FBXO34: variants seen among roughly 807,000 people sequenced by gnomAD.
The protein encoded by FBXO34 is F-box only protein 34.
A neutral mutation model predicts 24.5 loss-of-function variants in FBXO34; 12 were observed. The ratio of observed to expected loss-of-function variants is 0.49; its 90% CI spans 0.31 to 0.79. The LOEUF is 0.79. Among genes scored for constraint, FBXO34 ranks in the 30% least tolerant of loss-of-function variants. The pLI, the probability that FBXO34 is intolerant of heterozygous loss-of-function variation, is 0.04. For missense variants in FBXO34, 823 were observed against 857.7 expected (o/e 0.96, Z 0.51); for synonymous variants, 320 against 311.9 (o/e 1.03, Z -0.27).
downstream of FBXO34, chr14:55,366,652 A>G (rs1457056572): frequency 2.0e-5 from 3 of 148,284 alleles, no homozygotes; most frequent in Non-Finnish European, 4.5e-5. Context: ...CTTATATTCC[A>G]TAACCAAAAA....
At chr14:55,393,656 C>A in the FBXO34 span, among the ~76,000 whole-genome samples, 1 of 151,824 alleles carries the variant, frequency 6.6e-6, no homozygotes, top group South Asian at 2.1e-4. Context: ...GTGATCCTCC[C>A]ACCTCAACCT....
intron 1 of FBXO34, among the ~76,000 whole-genome samples, chr14:55,306,831 T>TGAAAA (rs55968722): frequency 2.0e-5 from 3 of 151,006 alleles, no homozygotes; most frequent in Admixed American, 2.0e-4. Context: ...AGACTCCATC[T>TGAAAA]CAAAACAAAA....
At chr14:55,364,205 T>A (rs1884631548), downstream of FBXO34, among the ~76,000 whole-genome samples, 1 of 152,114 alleles carries the variant, frequency 6.6e-6, no homozygotes, top group East Asian at 1.9e-4. Context: ...TGCCTTGGCC[T>A]CCCAAAGTGC....
At chr14:55,335,357 C>G (rs896202696) in intron 1 of FBXO34, 2 of 152,146 alleles carry the variant, frequency 1.3e-5, no homozygotes, top group African/African-American at 4.8e-5. Context: ...TTTCCTTTGG[C>G]TTTTTGTTCA....
At chr14:55,331,805 T>G (rs1883585779) in intron 1 of FBXO34, among the ~76,000 whole-genome samples, 1 of 71,086 alleles carries the variant, frequency 1.4e-5, no homozygotes, top group Non-Finnish European at 2.7e-5. Context: ...TATAAATATA[T>G]ATATATATAC....
intron 1 of FBXO34, chr14:55,285,286 C>CT (rs1475981666): frequency 7.2e-6 from 1 of 138,618 alleles, no homozygotes; most frequent in African/African-American, 2.5e-5. Flanking sequence ...AGAAGAATGG[C>CT]TTGAACCCAG....
chr14:55,394,588 C>G, the FBXO34 span, among the ~76,000 whole-genome samples: 10 of 152,130 alleles, frequency 6.6e-5, no homozygotes, highest in Non-Finnish European at 1.0e-4. Flanking sequence ...AATTTTCAAT[C>G]TTTCACAGCA....
rs397767008 is a variant in FBXO34, at chr14:55,279,284, C to CAA, written c.-11+7761_-11+7762dup. On this transcript the variant is annotated intron_variant, in intron 1 of 1. Coordinates refer to ENST00000313833, the MANE Select transcript of FBXO34 (RefSeq NM_017943.4). ...CTGGGCGACATAAGCGAGACTCCGT[C>CAA]AAAAAAAAAAAAAAAGGAAAAAATA... 6.3e-3 allele frequency among the ~76,000 whole-genome samples: 747 copies of CAA among 118,186 alleles called. 6 individuals carry two copies. The highest frequency in any genetic ancestry group is 0.018 in the African/African-American group (611 of 34,196). 77.5% of individuals were successfully genotyped at this position (118,186 alleles called of 152,430 possible).
chr14:55,334,865 A>G (rs759421762), intron 1 of FBXO34, among the ~76,000 whole-genome samples: 7 of 152,202 alleles, frequency 4.6e-5, no homozygotes. Flanking sequence ...TGCTGCGCTG[A>G]GTTTTCATCC....
the FBXO34 span, among the ~76,000 whole-genome samples, chr14:55,398,053 T>C: frequency 3.3e-5 from 5 of 149,642 alleles, no homozygotes; most frequent in East Asian, 1.0e-3. Flanking sequence ...GCTCACGCCA[T>C]TCTCCCGCCT....
intron 1 of FBXO34, chr14:55,298,597 C>CGCCGGGGCCCA (rs1882223093): frequency 1.0e-5 from 10 of 954,768 alleles, no homozygotes; most frequent in Non-Finnish European, 1.6e-5. Flanking sequence ...GGAGGGCGGG[C>CGCCGGGGCCCA]GCCGGAGCCC....
In FBXO34 at chr14:55,352,100, G is replaced by A. The variant is rs1390542159; in HGVS notation, c.1710G>A (p.Glu570=). Reference sequence around the variant, plus strand: ...GGTTTAAAATCCAGCAGCTTTTGGAGCCTCAGCAGTACATGGCTTTTCTGC... The same window carrying A: ...GGTTTAAAATCCAGCAGCTTTTGGAACCTCAGCAGTACATGGCTTTTCTGC... ...ETRFKIQQLL[E]PQQYMAFLPH... The change falls in exon 2 of 2, where the codon GAG becomes GAA. Residue 570 remains glutamate (E), a synonymous_variant. Coordinates refer to ENST00000313833, the MANE Select transcript of FBXO34 (RefSeq NM_017943.4). 6.2e-7 allele frequency: 1 copy of A among 1,614,162 alleles called. No homozygotes were observed. Among genetic ancestry groups the A allele is most frequent in the South Asian group, 1.1e-5 (1 of 91,076 alleles).
the FBXO34 span, among the ~76,000 whole-genome samples, chr14:55,406,742 T>G: frequency 6.6e-6 from 1 of 152,130 alleles, no homozygotes; most frequent in Admixed American, 6.5e-5. Context: ...TTAAAGCACA[T>G]AGTCTGGAAA....
intron 1 of FBXO34, among the ~76,000 whole-genome samples, chr14:55,308,361 G>A (rs1324092829): frequency 6.6e-6 from 1 of 152,156 alleles, no homozygotes; most frequent in Non-Finnish European, 1.5e-5. Flanking sequence ...AGTATTTGAT[G>A]ATACTTAAAG....
chr14:55,280,750 TCTC>T (rs1881509802), intron 1 of FBXO34, among the ~76,000 whole-genome samples: 1 of 151,892 alleles, frequency 6.6e-6, no homozygotes, highest in Non-Finnish European at 1.5e-5. Context: ...ATGGTCTCGA[TCTC>T]CTGACCTCGT....
the FBXO34 span, among the ~76,000 whole-genome samples, chr14:55,440,052 A>C: frequency 6.6e-6 from 1 of 151,904 alleles, no homozygotes; most frequent in Non-Finnish European, 1.5e-5. Context: ...GTGAGCTGAG[A>C]TCGCGCCACT....
chr14:55,414,300 G>A, the FBXO34 span: 3,719 of 1,086,716 alleles, frequency 3.4e-3, 93 homozygotes, highest in African/African-American at 0.054. Context: ...ACAATTAAAC[G>A]TAGAAGAATC....
chr14:55,370,658 T>A (rs1015822312), downstream of FBXO34, among the ~76,000 whole-genome samples: 1 of 151,960 alleles, frequency 6.6e-6, no homozygotes, highest in Admixed American at 6.6e-5. Flanking sequence ...TTTTTTTTTA[T>A]TTAGACAGAG....
At chr14:55,272,520 G>A (rs1259333903) in intron 1 of FBXO34, among the ~76,000 whole-genome samples, 1 of 137,696 alleles carries the variant, frequency 7.3e-6, no homozygotes, top group African/African-American at 2.9e-5. Context: ...TGATAAATCA[G>A]TTTGCTTTTT....
Sources: allele counts gnomAD v4.1 joint callset (sites outside exome capture counted in the v4.1 genomes callset), GRCh38; gene constraint gnomAD v4.1.1; transcripts MANE v1.5; gene names NCBI Gene and HGNC (gene_info 2026-07-23, HGNC 2026-07-21).